FAT3: variants seen among roughly 807,000 people sequenced by gnomAD.
FAT3 encodes the protein FAT atypical cadherin 3.
Under a neutral mutation model 310.2 loss-of-function variants are expected in FAT3, and 95 were observed. The observed-to-expected ratio is 0.31, with a 90% confidence interval of 0.26 to 0.36. FAT3 has a LOEUF of 0.36. Ranked by LOEUF, FAT3 falls within the 10% of genes least tolerant of loss-of-function variation. The probability of loss-of-function intolerance (pLI) is 1.00; values close to 1 mark genes in which losing one functional copy is unlikely to be tolerated. For missense variants in FAT3, 5,408 were observed against 5,715.6 expected, an observed-to-expected ratio of 0.95 and a Z score of 1.74; for synonymous variants, 2,314 against 2,192.9, an observed-to-expected ratio of 1.06 and a Z score of -1.54.
chr11:92,749,899 CATATT>C (rs1316454198), intron 4 of FAT3, among the ~76,000 whole-genome samples: 2 of 152,308 alleles, frequency 1.3e-5, no homozygotes, highest in South Asian at 4.1e-4. Context: ...AGAAGGGTAA[CATATT>C]ATTAGTAATT....
intron 3 of FAT3, among the ~76,000 whole-genome samples, chr11:92,624,619 G>T (rs931565001): frequency 1.3e-5 from 2 of 152,194 alleles, no homozygotes; most frequent in African/African-American, 4.8e-5. Context: ...GTGGTAGAGA[G>T]AAATAACTCC....
intron 3 of FAT3, among the ~76,000 whole-genome samples, chr11:92,692,880 A>G (rs1391859672): frequency 1.3e-5 from 2 of 152,234 alleles, no homozygotes; most frequent in Non-Finnish European, 2.9e-5. Flanking sequence ...TTCAAGTAGC[A>G]CTTAAAGAAA....
intron 3 of FAT3, among the ~76,000 whole-genome samples, chr11:92,650,025 C>T (rs188702744): frequency 3.3e-5 from 5 of 151,574 alleles, no homozygotes; most frequent in East Asian, 2.0e-4. Context: ...CCTTTGTATA[C>T]GGTGAAGAAA....
At chr11:92,539,583 G>A (rs1008746921) in intron 3 of FAT3, among the ~76,000 whole-genome samples, 3 of 152,092 alleles carry the variant, frequency 2.0e-5, no homozygotes, top group South Asian at 2.1e-4. Context: ...CCTAAAGAAC[G>A]AACAGGCTGT....
intron 4 of FAT3, among the ~76,000 whole-genome samples, chr11:92,726,363 T>C (rs1315469080): frequency 6.6e-6 from 1 of 152,164 alleles, no homozygotes; most frequent in Non-Finnish European, 1.5e-5. Context: ...AGTTGCAATT[T>C]CAAGTATCCT....
At chr11:92,664,668 T>G (rs985212720) in intron 3 of FAT3, among the ~76,000 whole-genome samples, 3 of 152,178 alleles carry the variant, frequency 2.0e-5, no homozygotes, top group Admixed American at 2.0e-4. Context: ...CCAGTGTAGC[T>G]TATGAAAGAG....
At chr11:92,691,009 A>G (rs918238643) in intron 3 of FAT3, among the ~76,000 whole-genome samples, 2 of 152,226 alleles carry the variant, frequency 1.3e-5, no homozygotes, top group African/African-American at 2.4e-5. Context: ...ATAAATAAAA[A>G]CTATAACACA....
At chr11:92,674,500 C>T (rs957006834) in intron 3 of FAT3, among the ~76,000 whole-genome samples, 9 of 151,784 alleles carry the variant, frequency 5.9e-5, no homozygotes, top group Non-Finnish European at 1.2e-4. Flanking sequence ...TGTTACTTTA[C>T]CTTACTCCTT....
intron 1 of FAT3, among the ~76,000 whole-genome samples, chr11:92,316,339 T>G (rs906075679): frequency 6.6e-6 from 1 of 152,154 alleles, no homozygotes; most frequent in African/African-American, 2.4e-5. Context: ...TAAGATAACA[T>G]GCTTGTTGGC....
intron 2 of FAT3, among the ~76,000 whole-genome samples, chr11:92,509,179 T>C (rs1953208766): frequency 6.6e-6 from 1 of 152,166 alleles, no homozygotes; most frequent in Non-Finnish European, 1.5e-5. Context: ...AATGATAGTA[T>C]TTTTAATTTT....
At position 92,834,998 on chromosome 11, in the gene FAT3, G is replaced by A. The variant is rs1227660362; in HGVS notation, c.10000G>A (p.Val3334Ile). The A allele has an allele frequency of 1.2e-6, 2 of 1,613,728 alleles. No individual in the cohort carries two copies. Among genetic ancestry groups the A allele is most frequent in the Non-Finnish European group, 1.7e-6 (2 of 1,179,798 alleles). The change falls in exon 15 of 28, where the codon GTT (valine) becomes ATT (isoleucine). Residue 3334 changes from valine to isoleucine, a missense_variant. By Grantham distance (29) the Val-to-Ile change is conservative. Transcript: ENST00000525166. Reference protein sequence around the residue: ...VATVNINLTDVNDNPPKFSQD... With the variant: ...VATVNINLTDINDNPPKFSQD... ...CACTGTCAACATCAACCTCACAGAT[G>A]TTAATGACAACCCTCCCAAGTTCAG... is the stretch of plus-strand genomic sequence containing the variant.
intron 4 of FAT3, among the ~76,000 whole-genome samples, chr11:92,760,687 T>C (rs1309211185): frequency 6.6e-6 from 1 of 152,210 alleles, no homozygotes; most frequent in Non-Finnish European, 1.5e-5. Context: ...CTGAAGAGGA[T>C]ATTTTGGAAA....
intron 2 of FAT3, among the ~76,000 whole-genome samples, chr11:92,458,174 G>C (rs1418721643): frequency 2.6e-5 from 4 of 152,126 alleles, no homozygotes. Flanking sequence ...TGGTATTCCA[G>C]CTCAGTTATT....
intron 3 of FAT3, among the ~76,000 whole-genome samples, chr11:92,564,741 A>G (rs1031124685): frequency 3.3e-5 from 5 of 151,190 alleles, no homozygotes; most frequent in Non-Finnish European, 5.9e-5. Flanking sequence ...CTCACTCAAA[A>G]CCACTCAACT....
intron 19 of FAT3, among the ~76,000 whole-genome samples, chr11:92,845,168 G>A (rs1565645388): frequency 6.6e-6 from 1 of 152,232 alleles, no homozygotes; most frequent in Non-Finnish European, 1.5e-5. Context: ...TCCTCTGGCT[G>A]CAATAAGCAG....
chr11:92,795,933 AG>A (rs1481012456), intron 9 of FAT3, among the ~76,000 whole-genome samples: 1 of 152,034 alleles, frequency 6.6e-6, no homozygotes, highest in Non-Finnish European at 1.5e-5. Context: ...ATTATATTTG[AG>A]GTCAAAAGCT....
chr11:92,670,891 G>T (rs750659154), intron 3 of FAT3, among the ~76,000 whole-genome samples: 16 of 152,064 alleles, frequency 1.1e-4, no homozygotes, highest in Non-Finnish European at 2.1e-4. Flanking sequence ...CTGACAATCA[G>T]TCATGTCACT....
rs1447832253 is a variant in FAT3 at position 92,801,329 on chromosome 11, C to G, written c.8316C>G (p.Asp2772Glu). The G allele has an allele frequency of 1.2e-6, 2 of 1,613,862 alleles. No individual in the cohort carries two copies. Among genetic ancestry groups the G allele is most frequent in the Non-Finnish European group, 1.7e-6 (2 of 1,179,894 alleles). Residue 2772 changes from aspartate (D) to glutamate (E), a missense_variant, in exon 10 of 28, where the codon GAC (aspartate) becomes GAG (glutamate). Physicochemically the swap from Asp to Glu is conservative, Grantham distance 45. Around this residue, in one of 5 missense-constraint regions of FAT3, gnomAD observed 4,588 missense variants for 4,809.8 expected, o/e 0.95. Coordinates refer to ENST00000525166, the MANE Select transcript of FAT3 (RefSeq NM_001367949.2). ...TGTIKLDKRL[D>E]RETSPAFHFK... ...CTATTAAGCTTGACAAACGCCTTGA[C>G]CGTGAAACCAGCCCAGCTTTCCACT...
In FAT3 at chr11:92,524,783, A is replaced by T; in HGVS notation, c.3442A>T (p.Thr1148Ser). Residue 1148 changes from threonine (T) to serine (S), a missense_variant, in exon 3 of 28, where the codon ACC (threonine) becomes TCC (serine). By Grantham distance (58) the Thr-to-Ser change is moderately conservative (BLOSUM62 1). Transcript: ENST00000525166. Reference sequence around the variant, plus strand: ...AGATGTGAATGACAATGCCCCGCTGACCTCAGAACCTATATATTATCCTGT... The same window carrying T: ...AGATGTGAATGACAATGCCCCGCTGTCCTCAGAACCTATATATTATCCTGT... ...VEDVNDNAPLTSEPIYYPVVM... is the reference protein window; with the variant it reads ...VEDVNDNAPLSSEPIYYPVVM... 1 of 1,613,762 alleles carries T rather than the reference A, an allele frequency of 6.2e-7. No homozygotes were observed. The highest frequency in any genetic ancestry group is 8.5e-7 in the Non-Finnish European group (1 of 1,179,822).
Sources: gnomAD v4.1 joint callset for allele counts (sites outside exome capture counted in the v4.1 genomes callset) on GRCh38, gnomAD v4.1.1 for gene constraint, gnomAD v4.1.1 regional missense constraint, MANE v1.5 for transcripts, NCBI Gene and HGNC (gene_info 2026-07-23, HGNC 2026-07-21) for gene names.